Variants in ABI2 observed in about 807,000 individuals in gnomAD.
ABI2 encodes the protein abelson interactor 2.
Under a neutral mutation model 59.2 loss-of-function variants are expected in ABI2, and 25 were observed. The observed-to-expected ratio is 0.42, with a 90% CI of 0.31 to 0.59. The LOEUF (loss-of-function observed/expected upper bound fraction) is 0.59. Ranked by LOEUF, ABI2 falls within the 20% of genes least tolerant of loss-of-function variation. The pLI, the probability that ABI2 is intolerant of heterozygous loss-of-function variation, is 0.14. For synonymous variants in ABI2, 213 were observed against 235.5 expected, an observed-to-expected ratio of 0.90 and a Z score of 0.87; for missense variants, 545 against 681.8, an observed-to-expected ratio of 0.80 and a Z score of 2.23.
chr2:203,395,072 T>G (rs1293953706), intron 6 of ABI2: 1 of 715,462 alleles, frequency 1.4e-6, no homozygotes, highest in Non-Finnish European at 2.5e-6. Flanking sequence ...CTCTCCAAGT[T>G]TTAAGAGTTC....
intron 1 of ABI2, among the ~76,000 whole-genome samples, chr2:203,345,436 A>G (rs765317846): frequency 1.3e-5 from 2 of 152,142 alleles, no homozygotes; most frequent in Non-Finnish European, 1.5e-5. Context: ...GAAGTCAGCC[A>G]GACCAAGAAC....
In ABI2 at chr2:203,394,713, T is replaced by C; in HGVS notation, c.592T>C (p.Tyr198His). Residue 198 changes from tyrosine (Y) to histidine (H), a missense_variant, in exon 6 of 12, where the codon TAT (tyrosine) becomes CAT (histidine). This residue lies in a region of ABI2 where 410 missense variants were observed against 435.6 expected (regional missense o/e 0.94). Coordinates refer to ENST00000261018, the MANE Select transcript of ABI2 (RefSeq NM_001375670.1). ...TTCTTTTTGTAGGCGGCACTCCCCC[T>C]ATCGCACACTGGAGCCAGTGCGTCC... ...GKGTLGRHSPYRTLEPVRPPV... is the reference protein window; with the variant it reads ...GKGTLGRHSPHRTLEPVRPPV... The C allele has an allele frequency of 6.2e-7, 1 of 1,614,044 alleles. No individual in the cohort carries two copies. Among genetic ancestry groups the C allele is most frequent in the East Asian group, 2.2e-5 (1 of 44,884 alleles).
chr2:203,398,913 T>C (rs576906759), intron 8 of ABI2, among the ~76,000 whole-genome samples: 2 of 152,342 alleles, frequency 1.3e-5, no homozygotes, highest in South Asian at 2.1e-4. Context: ...AGTGTTGTAT[T>C]GTATGGGGAT....
chr2:203,409,029 G>C (rs1468703431), intron 9 of ABI2, among the ~76,000 whole-genome samples: 1 of 149,210 alleles, frequency 6.7e-6, no homozygotes, highest in Non-Finnish European at 1.5e-5. Flanking sequence ...TAGTAGAGAC[G>C]GGGTTTCACC....
intron 7 of ABI2, among the ~76,000 whole-genome samples, 166 bp downstream of exon 7, chr2:203,395,946 T>A (rs571250756): frequency 1.3e-5 from 2 of 152,202 alleles, no homozygotes; most frequent in Non-Finnish European, 2.9e-5. Flanking sequence ...GATTTGTAAG[T>A]GTTTGCTCAC....
At chr2:203,402,440 T>A (rs1483376991) in intron 8 of ABI2, 136 bp from the exon 9 acceptor site, 1 of 598,226 alleles carries the variant, frequency 1.7e-6, no homozygotes, top group Non-Finnish European at 2.5e-6. Flanking sequence ...TAACTCACCT[T>A]GCATTGTATA....
intron 11 of ABI2, among the ~76,000 whole-genome samples, chr2:203,420,999 C>T (rs989785296): frequency 3.3e-5 from 5 of 150,142 alleles, no homozygotes; most frequent in East Asian, 3.9e-4. Flanking sequence ...GATATGAGCA[C>T]GCAAAGGGAA....
At chr2:203,361,961 G>T (rs535615512) in intron 1 of ABI2, among the ~76,000 whole-genome samples, 7 of 152,344 alleles carry the variant, frequency 4.6e-5, no homozygotes, top group Non-Finnish European at 1.0e-4. Context: ...ATCCTTAGGA[G>T]ATTTAGCTAA....
At chr2:203,351,078 A>G (rs2087999653) in intron 1 of ABI2, among the ~76,000 whole-genome samples, 1 of 152,140 alleles carries the variant, frequency 6.6e-6, no homozygotes, top group African/African-American at 2.4e-5. Context: ...GTCACTATCC[A>G]GTTGACCCAA....
At chr2:203,355,847 A>C (rs923002435) in intron 1 of ABI2, among the ~76,000 whole-genome samples, 4 of 151,260 alleles carry the variant, frequency 2.6e-5, no homozygotes, top group African/African-American at 4.9e-5. Flanking sequence ...AAAAAAAAAA[A>C]AAAACACCCC....
intron 8 of ABI2, among the ~76,000 whole-genome samples, chr2:203,399,828 T>A (rs1559335239): frequency 6.6e-6 from 1 of 152,196 alleles, no homozygotes; most frequent in East Asian, 1.9e-4. Context: ...TCATTTATTT[T>A]TTTGATGTTG....
At position 203,429,341 on chromosome 2, in the gene ABI2, C is replaced by T. The variant is rs149597447; in HGVS notation, c.*1989C>T. 1.4e-3 allele frequency: 213 copies of T among 152,270 alleles called. 1 individual carries two copies. The highest frequency in any genetic ancestry group is 4.7e-3 in the African/African-American group (195 of 41,556). 9.4% of individuals were successfully genotyped at this position (152,270 alleles called of 1,614,324 possible). A position where few individuals can be genotyped will look rare whatever the true frequency, so the allele number is the denominator to read the frequency against. ...TACTTGGATAAGTTAAGCTCTTCTT[C>T]GTGTACTGGTCTATAATTAGAAAAA... On this transcript the variant is annotated 3_prime_UTR_variant, in exon 12 of 12. Transcript: ENST00000261018.
At chr2:203,340,332 T>G (rs2079106497) in intron 1 of ABI2, among the ~76,000 whole-genome samples, 1 of 152,142 alleles carries the variant, frequency 6.6e-6, no homozygotes, top group South Asian at 2.1e-4. Flanking sequence ...GTAACTATAG[T>G]TAATAATATT....
chr2:203,411,020 CAT>C (rs1015333053), intron 9 of ABI2, among the ~76,000 whole-genome samples: 1 of 150,964 alleles, frequency 6.6e-6, no homozygotes, highest in Non-Finnish European at 1.5e-5. Flanking sequence ...ATATATAAAA[CAT>C]ACGATTATGT....
chr2:203,372,956 A>G (rs1471853946), intron 2 of ABI2, among the ~76,000 whole-genome samples: 1 of 151,324 alleles, frequency 6.6e-6, no homozygotes, highest in Non-Finnish European at 1.5e-5. Context: ...GCGGCCAGGA[A>G]GAGGCGCTCC....
chr2:203,343,236 C>T (rs1438553798), intron 1 of ABI2, among the ~76,000 whole-genome samples: 1 of 152,140 alleles, frequency 6.6e-6, no homozygotes, highest in African/African-American at 2.4e-5. Context: ...TGGTGGCACG[C>T]ATCTGTAGTC....
chr2:203,380,563 G>A (rs2096054966), intron 3 of ABI2, among the ~76,000 whole-genome samples, 179 bp downstream of exon 3: 1 of 152,002 alleles, frequency 6.6e-6, no homozygotes, highest in Non-Finnish European at 1.5e-5. Context: ...TCTTAGTGAT[G>A]TATTCTCAAG....
intron 11 of ABI2, among the ~76,000 whole-genome samples, chr2:203,418,744 G>C (rs1298607443): frequency 6.6e-6 from 1 of 152,212 alleles, no homozygotes; most frequent in Non-Finnish European, 1.5e-5. Flanking sequence ...AAGGGGTAGG[G>C]ATTACATAAA....
chr2:203,374,673 ATTTGT>A (rs1370773425), intron 2 of ABI2: 1 of 337,140 alleles, frequency 3.0e-6, no homozygotes, highest in Non-Finnish European at 6.2e-6. Flanking sequence ...TTAGTAACTA[ATTTGT>A]TTTATGAATG....
Sources: allele counts gnomAD v4.1 joint callset (sites outside exome capture counted in the v4.1 genomes callset), GRCh38; gene constraint gnomAD v4.1.1; regional missense constraint gnomAD v4.1.1; transcripts MANE v1.5; gene names NCBI Gene and HGNC (gene_info 2026-07-23, HGNC 2026-07-21).